CCL4: variants seen among roughly 807,000 people sequenced by gnomAD.
CCL4 encodes C-C motif chemokine ligand 4.
CCL4 carries 8 observed loss-of-function variants against 10.3 expected under a neutral mutation model. The observed-to-expected ratio is 0.77, with a 90% confidence interval of 0.45 to 1.39. The LOEUF (loss-of-function observed/expected upper bound fraction) is 1.39. Among genes scored for constraint, CCL4 ranks in the 40% most tolerant of loss-of-function variants. The pLI, the probability that CCL4 is intolerant of heterozygous loss-of-function variation, is 0.00. For missense variants in CCL4, 106 were observed against 111.2 expected (o/e 0.95, Z 0.21); for synonymous variants, 35 against 44.3 (o/e 0.79, Z 0.83).
rs755574910 is a variant in CCL4, at chr17:36,105,190, A to G, written c.192-35A>G. The G allele has an allele frequency of 4.4e-6, 7 of 1,596,330 alleles. No individual in the cohort carries two copies. The South Asian group carries it at 5.5e-5, about 13-fold the overall frequency. On this transcript the variant is annotated intron_variant, in intron 2 of 2. Transcript: ENST00000615863. ...AAAGCCAGATGACCTCAAAGGTCTC[A>G]TGAGATTCTAATCTGTCCGCTCCTT...
At chr17:36,105,092 G>T in intron 2 of CCL4, 133 bp from the exon 3 acceptor site, 1 of 981,768 alleles carries the variant, frequency 1.0e-6, no homozygotes. Flanking sequence ...TTCCAGTGCT[G>T]CTCCAGGAAG....
chr17:36,104,432 A>G, intron 1 of CCL4, 96 bp from the exon 2 acceptor site: 1 of 1,267,022 alleles, frequency 7.9e-7, no homozygotes, highest in Non-Finnish European at 1.1e-6. Flanking sequence ...GGGTTCTGGT[A>G]GCTCCACAGG....
At chr17:36,105,041 C>T (rs1290620260) in intron 2 of CCL4, 184 bp from the exon 3 acceptor site, 3 of 760,758 alleles carry the variant, frequency 3.9e-6, no homozygotes, top group South Asian at 1.4e-5. Flanking sequence ...CTCCTGGGGC[C>T]CACAGCTAAA....
chr17:36,104,731 C>T (rs990827396), intron 2 of CCL4, 89 bp downstream of exon 2: 47 of 1,540,832 alleles, frequency 3.1e-5, no homozygotes, highest in Non-Finnish European at 3.7e-5. Flanking sequence ...GGTGATTGAG[C>T]ATTGGGGAGG....
At chr17:36,104,833 G>A (rs1468125774) in intron 2 of CCL4, 191 bp downstream of exon 2, 7 of 775,114 alleles carry the variant, frequency 9.0e-6, no homozygotes, top group Non-Finnish European at 1.3e-5. Context: ...AGTGGGAGCC[G>A]AGAGAGAAGG....
Position 36,105,359 on chromosome 17 carries a change from A to T in CCL4, c.*47A>T. 3.2e-6 allele frequency: 5 copies of T among 1,576,446 alleles called. No homozygotes were observed. The highest frequency in any genetic ancestry group is 4.4e-6 in the Non-Finnish European group (5 of 1,145,710). ...TTCAGGGAAGGTCACCTGAGCCCGG[A>T]TGCTTCTCCATGAGACACATCTCCT... On this transcript the variant is annotated 3_prime_UTR_variant, in exon 3 of 3. Transcript: ENST00000615863.
At chr17:36,105,076 G>T (rs2067149892) in intron 2 of CCL4, 149 bp from the exon 3 acceptor site, 2 of 888,284 alleles carry the variant, frequency 2.3e-6, no homozygotes, top group East Asian at 2.5e-5. Flanking sequence ...GTTACAGGGA[G>T]TCTGCTTCCA....
rs746063217 is a variant in CCL4, at chr17:36,105,234, C to G, written c.201C>G (p.Thr67=). 18 of 1,613,752 alleles carry G rather than the reference C, an allele frequency of 1.1e-5. No individual in the cohort carries two copies. Among genetic ancestry groups the G allele is most frequent in the Admixed American group, 1.7e-5 (1 of 60,004 alleles). The change falls in exon 3 of 3, where the codon ACC becomes ACG. Residue 67 remains threonine, a synonymous_variant. Transcript: ENST00000615863. The stretch of plus-strand genomic sequence containing the variant: ...GCTCCTTGTTCTACAGATTCCAAAC[C>G]AAAAGAAGCAAGCAAGTCTGTGCTG... ...LCSQPAVVFQ[T]KRSKQVCADP...
intron 2 of CCL4, chr17:36,105,017 C>A: frequency 1.4e-6 from 1 of 729,300 alleles, no homozygotes; most frequent in South Asian, 1.5e-5. Flanking sequence ...CCCCTTGGTT[C>A]CTAATCTGGG....
chr17:36,105,483 T>C lies in CCL4; in HGVS notation c.*171T>C, dbSNP rs2067155036. On this transcript the variant is annotated 3_prime_UTR_variant, in exon 3 of 3. Coordinates refer to ENST00000615863, the MANE Select transcript of CCL4 (RefSeq NM_002984.4). ...TATTAGGTGTCATTTCCATTATTTA[T>C]ATTAGTTTAGCCAAAGGATAAGTGT... 6 of 737,552 alleles carry C rather than the reference T, an allele frequency of 8.1e-6. No homozygotes were observed. Among genetic ancestry groups the C allele is most frequent in the Non-Finnish European group, 1.4e-5 (6 of 433,540 alleles). 45.7% of individuals were successfully genotyped at this position (737,552 alleles called of 1,614,324 possible).
intron 2 of CCL4, chr17:36,104,872 G>C: frequency 2.9e-6 from 2 of 694,844 alleles, no homozygotes; most frequent in Non-Finnish European, 5.2e-6. Context: ...TTATTCAGAG[G>C]ACAGGGAAGC....
rs1314339369 is a variant in CCL4 at position 36,105,305 on chromosome 17, T to G, written c.272T>G (p.Leu91Arg). 6.2e-7 allele frequency: 1 copy of G among 1,613,772 alleles called. No individual in the cohort carries two copies. Among genetic ancestry groups the G allele is most frequent in the Non-Finnish European group, 8.5e-7 (1 of 1,179,646 alleles). The part of the protein sequence containing the change: ...WVQEYVYDLE[L>R]N ...CAGGAGTACGTGTATGACCTGGAAC[T>G]GAACTGAGCTGCTCAGAGACAGGAA... is the stretch of plus-strand genomic sequence containing the variant. Residue 91 changes from leucine to arginine, a missense_variant, in exon 3 of 3, where the codon CTG becomes CGG. Coordinates refer to ENST00000615863, the MANE Select transcript of CCL4 (RefSeq NM_002984.4).
chr17:36,105,283 G>A lies in CCL4; in HGVS notation c.250G>A (p.Glu84Lys). ...TGATCCCAGTGAATCCTGGGTCCAGGAGTACGTGTATGACCTGGAACTGAA... is the reference window on the plus strand; with the variant it reads ...TGATCCCAGTGAATCCTGGGTCCAGAAGTACGTGTATGACCTGGAACTGAA... ...CADPSESWVQEYVYDLELN is the reference protein window; with the variant it reads ...CADPSESWVQKYVYDLELN The change falls in exon 3 of 3, where the codon GAG becomes AAG. Residue 84 changes from glutamate (E) to lysine (K), a missense_variant. Coordinates refer to ENST00000615863, the MANE Select transcript of CCL4 (RefSeq NM_002984.4). 6.2e-7 allele frequency: 1 copy of A among 1,614,070 alleles called. No individual in the cohort carries two copies. Among genetic ancestry groups the A allele is most frequent in the South Asian group, 1.1e-5 (1 of 91,078 alleles).
At chr17:36,104,010 G>A (rs1719144) in intron 1 of CCL4, 29 bp downstream of exon 1, 346,846 of 1,613,102 alleles carry the variant, frequency 0.22, 39,057 homozygotes, top group East Asian at 0.27. Context: ...CTGCTATTTC[G>A]AGTCAAGGTG....
Position 36,105,458 on chromosome 17 carries a change from T to A in CCL4, c.*146T>A. 1 of 821,608 alleles carries A rather than the reference T, an allele frequency of 1.2e-6. No individual in the cohort carries two copies. The highest frequency in any genetic ancestry group is 1.5e-5 in the South Asian group (1 of 64,670). 50.9% of individuals were successfully genotyped at this position (821,608 alleles called of 1,614,324 possible). On this transcript the variant is annotated 3_prime_UTR_variant, in exon 3 of 3. Coordinates refer to ENST00000615863, the MANE Select transcript of CCL4 (RefSeq NM_002984.4). Reference sequence around the variant, plus strand: ...ATCTTTTTTATGTGCCGTGTTATTGTATTAGGTGTCATTTCCATTATTTAT... The same window carrying A: ...ATCTTTTTTATGTGCCGTGTTATTGAATTAGGTGTCATTTCCATTATTTAT...
At position 36,105,562 on chromosome 17, in the gene CCL4, A is replaced by G; in HGVS notation, c.*250A>G. 1 of 584,454 alleles carries G rather than the reference A, an allele frequency of 1.7e-6. No individual in the cohort carries two copies. Among genetic ancestry groups the G allele is most frequent in the Non-Finnish European group, 3.1e-6 (1 of 323,688 alleles). 36.2% of individuals were successfully genotyped at this position (584,454 alleles called of 1,614,324 possible). ...TTTCTCTGCTGTTGCAAATACATGG[A>G]TAACACATTTGATTCTGTGTGTTTT... On this transcript the variant is annotated 3_prime_UTR_variant, in exon 3 of 3. Transcript: ENST00000615863.
chr17:36,104,177 A>T, intron 1 of CCL4, 196 bp downstream of exon 1: 2 of 784,892 alleles, frequency 2.5e-6, no homozygotes, highest in Admixed American at 3.9e-5. Flanking sequence ...AAGAATTAGC[A>T]ACCAGCAGAG....
chr17:36,104,725 A>G (rs2067146295), intron 2 of CCL4, 83 bp downstream of exon 2: 1 of 1,568,840 alleles, frequency 6.4e-7, no homozygotes, highest in Non-Finnish European at 8.7e-7. Flanking sequence ...GGAGGGGGTG[A>G]TTGAGCATTG....
rs978505673 is a variant in CCL4, at chr17:36,104,180, C to G, written c.76+199C>G. 6.6e-5 allele frequency: 51 copies of G among 774,230 alleles called. No homozygotes were observed. In the African/African-American group the frequency reaches 7.8e-4, roughly 12 times the overall value. 48.0% of individuals were successfully genotyped at this position (774,230 alleles called of 1,614,324 possible). ...TCCTATTTTCTTAAGAATTAGCAAC[C>G]AGCAGAGGAAAACGATGGGCTGGAA... On this transcript the variant is annotated intron_variant, in intron 1 of 2. Transcript: ENST00000615863.
Sources: allele counts gnomAD v4.1 joint callset, GRCh38; gene constraint gnomAD v4.1.1; transcripts MANE v1.5; gene names NCBI Gene and HGNC (gene_info 2026-07-23, HGNC 2026-07-21).